Variants in NFKB1 observed in about 807,000 individuals in gnomAD.
NFKB1 encodes the protein nuclear factor NF-kappa-B p105 subunit.
In NFKB1, 9 loss-of-function variants were observed where a neutral mutation model predicts 105.1. The ratio of observed to expected loss-of-function variants is 0.09; its 90% CI spans 0.05 to 0.15. The LOEUF (loss-of-function observed/expected upper bound fraction) is 0.15, where lower values mean the gene tolerates loss of function less well. Ranked by LOEUF, NFKB1 falls within the 10% of genes least tolerant of loss-of-function variation. The probability of loss-of-function intolerance (pLI) is 1.00; values close to 1 mark genes in which losing one functional copy is unlikely to be tolerated. For synonymous variants in NFKB1, 440 were observed against 442.2 expected (o/e 1.00, Z 0.06); for missense variants, 830 against 1,203.7 (o/e 0.69, Z 4.59).
At position 102,566,856 on chromosome 4, in the gene NFKB1, C is replaced by G. The variant is rs146266290; in HGVS notation, c.259-131C>G. On this transcript the variant is annotated intron_variant, in intron 5 of 23. Transcript: ENST00000226574. Reference sequence around the variant, plus strand: ...TCATCACATACTTTTAAAAACAGGGCTGTAATCATGTATATACATATATGA... The same window carrying G: ...TCATCACATACTTTTAAAAACAGGGGTGTAATCATGTATATACATATATGA... The G allele has an allele frequency of 9.7e-6, 8 of 821,888 alleles. No homozygotes were observed. The African/African-American group carries it at 1.0e-4, about 11-fold the overall frequency. The allele number at this position is 821,888 out of a possible 1,614,324, so 50.9% of individuals were successfully genotyped here. A position where few individuals can be genotyped will look rare whatever the true frequency, so the allele number is the denominator to read the frequency against.
chr4:102,606,893 G>A (rs1272466556), intron 17 of NFKB1, among the ~76,000 whole-genome samples, 196 bp downstream of exon 17: 1 of 152,202 alleles, frequency 6.6e-6, no homozygotes, highest in Admixed American at 6.5e-5. Context: ...TAGTTAGTAG[G>A]AGGAGAAAGC....
chr4:102,531,019 G>T (rs940673392), intron 3 of NFKB1, among the ~76,000 whole-genome samples: 1 of 152,086 alleles, frequency 6.6e-6, no homozygotes, highest in Non-Finnish European at 1.5e-5. Context: ...GGTAGTGTGT[G>T]TGTTTCTTGG....
At chr4:102,543,340 A>C (rs1010944310) in intron 5 of NFKB1, among the ~76,000 whole-genome samples, 1 of 152,148 alleles carries the variant, frequency 6.6e-6, no homozygotes, top group Non-Finnish European at 1.5e-5. Flanking sequence ...CTCTATGCAA[A>C]ACCAGAAATT....
At chr4:102,541,048 G>A (rs1741967799) in intron 5 of NFKB1, among the ~76,000 whole-genome samples, 1 of 152,120 alleles carries the variant, frequency 6.6e-6, no homozygotes, top group Non-Finnish European at 1.5e-5. Context: ...TCTCAAACTT[G>A]GCATTATTGA....
chr4:102,591,699 A>G (rs889741321), intron 11 of NFKB1, among the ~76,000 whole-genome samples: 2 of 152,242 alleles, frequency 1.3e-5, no homozygotes, highest in Non-Finnish European at 2.9e-5. Flanking sequence ...GGTAGTGCTC[A>G]TTGACAATAC....
Position 102,606,649 on chromosome 4 carries a change from C to G in NFKB1, c.1906C>G (p.Leu636Val), listed in dbSNP as rs1393451792. The change falls in exon 17 of 24, where the codon CTC becomes GTC. Residue 636 changes from leucine to valine, a missense_variant. Coordinates refer to ENST00000226574, the MANE Select transcript of NFKB1 (RefSeq NM_003998.4). ...EGHDKVLSIL[L>V]KHKKAALLLD... Reference sequence around the variant, plus strand: ...ACATGATAAAGTTCTCAGTATCTTACTCAAGCACAAAAAGGCAGCACTACT... The same window carrying G: ...ACATGATAAAGTTCTCAGTATCTTAGTCAAGCACAAAAAGGCAGCACTACT... 6.2e-7 allele frequency: 1 copy of G among 1,614,052 alleles called. No individual in the cohort carries two copies. Among genetic ancestry groups the G allele is most frequent in the Non-Finnish European group, 8.5e-7 (1 of 1,180,038 alleles).
In NFKB1 at chr4:102,596,201, C is replaced by T; in HGVS notation, c.1364C>T (p.Thr455Ile). Residue 455 changes from threonine to isoleucine, a missense_variant, in exon 14 of 24, where the codon ACT (threonine) becomes ATT (isoleucine). Around this residue, in one of 8 missense-constraint regions of NFKB1, gnomAD observed 163 missense variants for 164.3 expected, o/e 0.99. Coordinates refer to ENST00000226574, the MANE Select transcript of NFKB1 (RefSeq NM_003998.4). ...TGTGACAAAAGTGATGACAAAAACA[C>T]TGTAAACCTCTTTGGGAAAGTTATT... The part of the protein sequence containing the change: ...EGCDKSDDKN[T>I]VNLFGKVIET... 1 of 1,613,504 alleles carries T rather than the reference C, an allele frequency of 6.2e-7. No individual in the cohort carries two copies. Among genetic ancestry groups the T allele is most frequent in the East Asian group, 2.2e-5 (1 of 44,870 alleles).
At position 102,597,701 on chromosome 4, in the gene NFKB1, G is replaced by A. The variant is rs189439185; in HGVS notation, c.1637+40G>A. 3.1e-4 allele frequency: 487 copies of A among 1,589,200 alleles called. 5 individuals carry two copies. The East Asian group carries it at 0.011, about 34-fold the overall frequency. ...TTGCATGATAGGTTGTCCTGGGTGG[G>A]GAAGAAGAAGAGCATCGTATAATGC... On this transcript the variant is annotated intron_variant, in intron 15 of 23. Coordinates refer to ENST00000226574, the MANE Select transcript of NFKB1 (RefSeq NM_003998.4).
At chr4:102,555,967 C>T (rs1045716209) in intron 5 of NFKB1, among the ~76,000 whole-genome samples, 1 of 152,108 alleles carries the variant, frequency 6.6e-6, no homozygotes, top group Non-Finnish European at 1.5e-5. Context: ...TGCAGTGATT[C>T]TTCATGAGCT....
intron 5 of NFKB1, among the ~76,000 whole-genome samples, chr4:102,559,305 A>G (rs1723216179): frequency 6.6e-6 from 1 of 152,182 alleles, no homozygotes; most frequent in Non-Finnish European, 1.5e-5. Flanking sequence ...ATACAAACAC[A>G]GAATAGTATA....
At chr4:102,508,806 A>G (rs529113026) in intron 1 of NFKB1, among the ~76,000 whole-genome samples, 5 of 152,308 alleles carry the variant, frequency 3.3e-5, no homozygotes, top group Admixed American at 2.0e-4. Context: ...GTCCTCTATA[A>G]AACTAAGACT....
At chr4:102,505,906 A>G (rs1186448697) in intron 1 of NFKB1, among the ~76,000 whole-genome samples, 3 of 152,176 alleles carry the variant, frequency 2.0e-5, no homozygotes, top group Admixed American at 2.0e-4. Flanking sequence ...GCCATCTTCT[A>G]TAAGGAACAA....
At chr4:102,505,546 GA>G (rs1025754053) in intron 1 of NFKB1, among the ~76,000 whole-genome samples, 57 of 152,188 alleles carry the variant, frequency 3.7e-4, no homozygotes, top group African/African-American at 1.3e-3. Flanking sequence ...CATTAATCCA[GA>G]AACCTTAAAA....
chr4:102,575,347 T>G (rs949597741), intron 6 of NFKB1, among the ~76,000 whole-genome samples: 1 of 152,214 alleles, frequency 6.6e-6, no homozygotes, highest in African/African-American at 2.4e-5. Flanking sequence ...AACTCCTATT[T>G]TCTTCCCTAC....
chr4:102,606,392 T>C lies in NFKB1; in HGVS notation c.1753-104T>C, dbSNP rs1727727144. On this transcript the variant is annotated intron_variant, in intron 16 of 23. Transcript: ENST00000226574. Reference sequence around the variant, plus strand: ...AAGTTAATCTGGGAATGAGAAATATTCCTGCAGTATGGCCCCACCTATTGC... The same window carrying C: ...AAGTTAATCTGGGAATGAGAAATATCCCTGCAGTATGGCCCCACCTATTGC... 5 of 1,060,770 alleles carry C rather than the reference T, an allele frequency of 4.7e-6. No homozygotes were observed. The Admixed American group carries it at 9.0e-5, about 19-fold the overall frequency. The allele number at this position is 1,060,770 out of a possible 1,614,324, so 65.7% of individuals were successfully genotyped here. A position where few individuals can be genotyped will look rare whatever the true frequency, so the allele number is the denominator to read the frequency against.
At chr4:102,529,804 T>C (rs1741164354) in intron 2 of NFKB1, 32 bp from the exon 3 acceptor site, 1 of 1,465,330 alleles carries the variant, frequency 6.8e-7, no homozygotes, top group African/African-American at 1.4e-5. Flanking sequence ...GGAAAAATAA[T>C]GATTGAAACA....
chr4:102,511,786 G>T (rs1739799347), intron 1 of NFKB1, among the ~76,000 whole-genome samples: 2 of 152,214 alleles, frequency 1.3e-5, no homozygotes, highest in African/African-American at 4.8e-5. Flanking sequence ...CAACTTTAGT[G>T]ATTTATCTCA....
chr4:102,531,370 T>TC (rs1341300785), intron 3 of NFKB1, among the ~76,000 whole-genome samples: 3 of 152,328 alleles, frequency 2.0e-5, no homozygotes, highest in Non-Finnish European at 4.4e-5. Flanking sequence ...TGTATGTTTT[T>TC]CCCTCTTCAT....
Position 102,577,713 on chromosome 4 carries a change from G to A in NFKB1, c.571+674G>A, listed in dbSNP as rs575132581. ...TTCCACTAAATATACTCCATCTTCT[G>A]ATACCCAGACTCAAAACCTTCCCAT... On this transcript the variant is annotated intron_variant, in intron 7 of 23. Coordinates refer to ENST00000226574, the MANE Select transcript of NFKB1 (RefSeq NM_003998.4). 1.8e-5 allele frequency: 8 copies of A among 455,274 alleles called. No individual in the cohort carries two copies. The South Asian group carries it at 4.7e-4, about 27-fold the overall frequency. 28.2% of individuals were successfully genotyped at this position (455,274 alleles called of 1,614,324 possible).
Sources: allele counts gnomAD v4.1 joint callset (sites outside exome capture counted in the v4.1 genomes callset), GRCh38; gene constraint gnomAD v4.1.1; regional missense constraint gnomAD v4.1.1; transcripts MANE v1.5; gene names NCBI Gene and HGNC (gene_info 2026-07-23, HGNC 2026-07-21).